The following GPR39 variants were observed in gnomAD, a reference collection of about 807,000 sequenced individuals.
GPR39 encodes the protein G protein-coupled receptor 39.
Under a neutral mutation model 18.4 loss-of-function variants are expected in GPR39, and 23 were observed. The ratio of observed to expected loss-of-function variants is 1.25; its 90% CI spans 0.90 to 1.77. The LOEUF is 1.77. GPR39 is among the 40% of genes most tolerant of loss of function. The pLI is 0.00. For missense variants in GPR39, 647 were observed against 602.4 expected, an observed-to-expected ratio of 1.07 and a Z score of -0.78; for synonymous variants, 280 against 257.9, an observed-to-expected ratio of 1.09 and a Z score of -0.82.
rs915986220 is a variant in GPR39, at chr2:132,521,948, G to T, written c.856+104050G>T. On this transcript the variant is annotated intron_variant, in intron 1 of 1. Transcript: ENST00000329321. ...TGAACATTAAAGAGCTGCTTAAATT[G>T]TTCAGTCATTTCATTTTATAATTTG... Among the ~76,000 whole-genome samples, 7 of 152,276 alleles carry T rather than the reference G, an allele frequency of 4.6e-5. No individual in the cohort carries two copies. The East Asian group carries it at 1.3e-3, about 29-fold the overall frequency.
At chr2:132,455,922 G>A (rs759076167) in intron 1 of GPR39, among the ~76,000 whole-genome samples, 1 of 152,196 alleles carries the variant, frequency 6.6e-6, no homozygotes, top group Non-Finnish European at 1.5e-5. Flanking sequence ...TTTAGGATAA[G>A]TGTGATGTGG....
chr2:132,565,453 G>T (rs1335604882), intron 1 of GPR39, among the ~76,000 whole-genome samples: 1 of 149,860 alleles, frequency 6.7e-6, no homozygotes, highest in African/African-American at 2.5e-5. Context: ...ACATTGTGCA[G>T]GTTAGTTACA....
intron 1 of GPR39, among the ~76,000 whole-genome samples, chr2:132,519,311 A>G (rs1329026410): frequency 6.6e-6 from 1 of 152,092 alleles, no homozygotes; most frequent in East Asian, 1.9e-4. Flanking sequence ...TTGTTGACAT[A>G]AAAAATGCAT....
chr2:132,603,316 TA>T (rs539960814), intron 1 of GPR39, among the ~76,000 whole-genome samples: 1 of 151,888 alleles, frequency 6.6e-6, no homozygotes, highest in South Asian at 2.1e-4. Context: ...ATGTGGGAGA[TA>T]AAAAAAATTG....
chr2:132,551,806 C>CATAAT (rs10700926), intron 1 of GPR39, among the ~76,000 whole-genome samples: 50,544 of 151,840 alleles, frequency 0.33, 8,728 homozygotes, highest in African/African-American at 0.43. Flanking sequence ...GGTTAAATCT[C>CATAAT]ATAAAAGACA....
At chr2:132,564,973 T>C (rs183608133) in intron 1 of GPR39, among the ~76,000 whole-genome samples, 209 of 151,896 alleles carry the variant, frequency 1.4e-3, no homozygotes, top group African/African-American at 2.2e-3. Flanking sequence ...CCTGCCACCA[T>C]GCCTGGCTAA....
chr2:132,540,368 C>T (rs547388236), intron 1 of GPR39, among the ~76,000 whole-genome samples: 3 of 152,222 alleles, frequency 2.0e-5, no homozygotes, highest in Admixed American at 1.3e-4. Context: ...GGGAGAGCGA[C>T]GGTCAGGAAG....
intron 1 of GPR39, among the ~76,000 whole-genome samples, chr2:132,546,023 C>T (rs540713818): frequency 2.6e-5 from 4 of 152,202 alleles, no homozygotes; most frequent in Non-Finnish European, 5.9e-5. Flanking sequence ...AATAGGCCAT[C>T]AGCATCCATA....
intron 1 of GPR39, among the ~76,000 whole-genome samples, chr2:132,538,143 T>C (rs1679793327): frequency 6.6e-6 from 1 of 152,194 alleles, no homozygotes; most frequent in African/African-American, 2.4e-5. Context: ...ATTTGGAATT[T>C]TCAGTGTTTT....
chr2:132,604,385 A>C (rs1032036677), intron 1 of GPR39: 1 of 152,162 alleles, frequency 6.6e-6, no homozygotes, highest in Non-Finnish European at 1.5e-5. Flanking sequence ...ATTCATTATC[A>C]CCAAAGAAAT....
At chr2:132,572,443 T>G (rs540602244) in intron 1 of GPR39, among the ~76,000 whole-genome samples, 1 of 151,792 alleles carries the variant, frequency 6.6e-6, no homozygotes, top group Non-Finnish European at 1.5e-5. Context: ...CAGTCCCAAC[T>G]ATCCAGTTCT....
chr2:132,418,504 T>G (rs1327134792), intron 1 of GPR39: 1 of 152,480 alleles, frequency 6.6e-6, no homozygotes, highest in East Asian at 1.9e-4. Flanking sequence ...TTTCTGCCAC[T>G]GTGGGTCTGT....
chr2:132,419,224 G>C, intron 1 of GPR39, among the ~76,000 whole-genome samples: 1 of 152,214 alleles, frequency 6.6e-6, no homozygotes, highest in Non-Finnish European at 1.5e-5. Context: ...ACTTTACTCT[G>C]TGTCTGCACA....
chr2:132,597,934 G>A (rs1234354316), intron 1 of GPR39, among the ~76,000 whole-genome samples: 1 of 152,204 alleles, frequency 6.6e-6, no homozygotes, highest in Admixed American at 6.5e-5. Flanking sequence ...CATGCATAGT[G>A]ATCATCTCTG....
intron 1 of GPR39, among the ~76,000 whole-genome samples, chr2:132,523,400 G>A (rs1046006294): frequency 7.9e-5 from 12 of 151,928 alleles, no homozygotes; most frequent in Middle Eastern, 3.4e-3. Flanking sequence ...TCCTTGTTTT[G>A]TTCATCCGTT....
At chr2:132,561,703 A>G (rs944599739) in intron 1 of GPR39, among the ~76,000 whole-genome samples, 12 of 152,166 alleles carry the variant, frequency 7.9e-5, no homozygotes, top group African/African-American at 2.9e-4. Flanking sequence ...CAAAGGGTAT[A>G]GTTCCGGTCC....
At chr2:132,558,520 G>C (rs1423662236) in intron 1 of GPR39, among the ~76,000 whole-genome samples, 1 of 152,130 alleles carries the variant, frequency 6.6e-6, no homozygotes, top group African/African-American at 2.4e-5. Context: ...GATCCTTTCT[G>C]ACACAATGTA....
intron 1 of GPR39, among the ~76,000 whole-genome samples, chr2:132,633,846 T>A (rs1351206000): frequency 6.6e-6 from 1 of 151,926 alleles, no homozygotes; most frequent in African/African-American, 2.4e-5. Flanking sequence ...GTGATGATGT[T>A]GGTGGGGGTG....
intron 1 of GPR39, among the ~76,000 whole-genome samples, chr2:132,474,067 G>T (rs1243367958): frequency 2.0e-5 from 3 of 152,178 alleles, no homozygotes; most frequent in Admixed American, 6.5e-5. Context: ...ACATCAGTGT[G>T]TCCTCACTTC....
Sources: gnomAD v4.1 joint callset for allele counts (sites outside exome capture counted in the v4.1 genomes callset) on GRCh38, gnomAD v4.1.1 for gene constraint, MANE v1.5 for transcripts, NCBI Gene and HGNC (gene_info 2026-07-23, HGNC 2026-07-21) for gene names.